Variants in GSK3B observed in about 807,000 individuals in gnomAD.
GSK3B encodes the protein glycogen synthase kinase 3 beta, also known as glycogen synthase kinase-3 beta.
A neutral mutation model predicts 56.4 loss-of-function variants in GSK3B; 15 were observed. That is an observed-to-expected ratio of 0.27 (90% confidence interval 0.18 to 0.41). The LOEUF (loss-of-function observed/expected upper bound fraction) is 0.41, where lower values mean the gene tolerates loss of function less well. Among genes scored for constraint, GSK3B ranks in the 10% least tolerant of loss-of-function variants. The pLI is 1.00. For synonymous variants in GSK3B, 181 were observed against 188.9 expected (o/e 0.96, Z 0.34); for missense variants, 300 against 513.4 (o/e 0.58, Z 4.02).
chr3:119,947,195 G>A (rs1436894042), intron 3 of GSK3B, 73 bp downstream of exon 3: 7 of 892,232 alleles, frequency 7.8e-6, no homozygotes, highest in Admixed American at 1.8e-5. Flanking sequence ...GTCTATGAGC[G>A]GTGGGGAGAT....
rs111872577 is a variant in GSK3B at position 120,011,041 on chromosome 3, C to T, written c.89-8802G>A. On this transcript the variant is annotated intron_variant, in intron 1 of 10. Coordinates refer to ENST00000264235, the MANE Select transcript of GSK3B (RefSeq NM_001146156.2). ...CTGAGATCATGCCACTGTACTCCAG[C>T]CTGGGCAACACAGCAAGACCATTTC... is the stretch of plus-strand genomic sequence containing the variant. Among the ~76,000 whole-genome samples, 1,121 of 152,276 alleles carry T rather than the reference C, an allele frequency of 7.4e-3. 15 individuals are homozygous for T. The highest frequency in any genetic ancestry group is 0.025 in the African/African-American group (1,034 of 41,546).
intron 1 of GSK3B, among the ~76,000 whole-genome samples, chr3:120,090,924 T>C (rs1181658866): frequency 6.6e-6 from 1 of 152,168 alleles, no homozygotes; most frequent in East Asian, 1.9e-4. Context: ...AACTTGATTA[T>C]TGTCTCTCAT....
intron 7 of GSK3B, among the ~76,000 whole-genome samples, chr3:119,878,631 C>T (rs1437433019): frequency 6.6e-6 from 1 of 152,106 alleles, no homozygotes; most frequent in Non-Finnish European, 1.5e-5. Context: ...GAAATGAATG[C>T]ACATGTTCAT....
chr3:120,067,642 C>A lies in GSK3B; in HGVS notation c.88+25705G>T, dbSNP rs76241694. 8.8e-3 allele frequency among the ~76,000 whole-genome samples: 1,332 copies of A among 152,226 alleles called. 10 individuals are homozygous for A. Among genetic ancestry groups the A allele is most frequent in the Non-Finnish European group, 0.014 (924 of 68,010 alleles). ...AATTCGGGATCACCTGTATTCAGTA[C>A]CATGCAATAAAGTAATCTGACTAAA... On this transcript the variant is annotated intron_variant, in intron 1 of 10. Coordinates refer to ENST00000264235, the MANE Select transcript of GSK3B (RefSeq NM_001146156.2).
At position 119,821,875 on chromosome 3, in the gene GSK3B, G is replaced by A. The variant is rs2107985362; in HGVS notation, c.*4913C>T. On this transcript the variant is annotated 3_prime_UTR_variant, in exon 11 of 11. Transcript: ENST00000264235. ...ATTAGAGGAATGGAAATGGTGATGT[G>A]ACTACATATTGCAGCGGCAAAATAG... 5.8e-6 allele frequency: 1 copy of A among 173,282 alleles called. No homozygotes were observed. The highest frequency in any genetic ancestry group is 2.4e-5 in the African/African-American group (1 of 42,274). The allele number at this position is 173,282 out of a possible 1,614,324, so 10.7% of individuals were successfully genotyped here.
intron 1 of GSK3B, chr3:120,029,884 G>A (rs752674245): frequency 5.5e-6 from 3 of 549,016 alleles, no homozygotes; most frequent in Non-Finnish European, 1.1e-5. Context: ...GGATTGGACA[G>A]TACTGGTGTA....
In GSK3B at chr3:119,822,266, T is replaced by TAA. The variant is rs943377511; in HGVS notation, c.*4520_*4521dup. The TAA allele has an allele frequency of 2.7e-4, 46 of 171,614 alleles. No homozygotes were observed. Among genetic ancestry groups the TAA allele is most frequent in the Non-Finnish European group, 4.8e-4 (39 of 81,140 alleles). 10.6% of individuals were successfully genotyped at this position (171,614 alleles called of 1,614,324 possible). On this transcript the variant is annotated 3_prime_UTR_variant, in exon 11 of 11. Transcript: ENST00000264235. Reference sequence around the variant, plus strand: ...CTTTATATATATATATATATATATATAATAAATTTTGTTTTTTAGGTTTGT... The same window carrying TAA: ...CTTTATATATATATATATATATATATAAAATAAATTTTGTTTTTTAGGTTTGT...
intron 3 of GSK3B, 140 bp downstream of exon 3, chr3:119,947,128 G>C: frequency 1.7e-6 from 1 of 603,640 alleles, no homozygotes; most frequent in Non-Finnish European, 3.0e-6. Context: ...ACCATACCTT[G>C]GGCTGAGTAT....
intron 1 of GSK3B, among the ~76,000 whole-genome samples, chr3:120,073,906 T>A (rs1023477224): frequency 7.2e-5 from 11 of 152,100 alleles, no homozygotes; most frequent in African/African-American, 2.2e-4. Flanking sequence ...GTTGGTTTTT[T>A]AAAAAAATAA....
At chr3:119,828,921 A>C (rs1020926003) in intron 10 of GSK3B, among the ~76,000 whole-genome samples, 1 of 152,220 alleles carries the variant, frequency 6.6e-6, no homozygotes, top group Admixed American at 6.5e-5. Flanking sequence ...TGGCATCAGA[A>C]TCCACACATT....
At chr3:120,019,914 C>T (rs987343326) in intron 1 of GSK3B, among the ~76,000 whole-genome samples, 2 of 152,216 alleles carry the variant, frequency 1.3e-5, no homozygotes, top group African/African-American at 4.8e-5. Flanking sequence ...ACTATGGCTT[C>T]ACTAGGCTTT....
chr3:119,823,229 G>C lies in GSK3B; in HGVS notation c.*3559C>G, dbSNP rs1360004068. On this transcript the variant is annotated 3_prime_UTR_variant, in exon 11 of 11. Transcript: ENST00000264235. ...TATTTTTCTTTCAAAAAAGGCCTTC[G>C]TGTTGGGCACACAGTAAGAATTAAA... 2 of 224,834 alleles carry C rather than the reference G, an allele frequency of 8.9e-6. No individual in the cohort carries two copies. Among genetic ancestry groups the C allele is most frequent in the East Asian group, 1.3e-4 (2 of 15,550 alleles). 13.9% of individuals were successfully genotyped at this position (224,834 alleles called of 1,614,324 possible).
rs74788098 is a variant in GSK3B at position 119,954,307 on chromosome 3, A to T, written c.283-6956T>A. Among the ~76,000 whole-genome samples the T allele has an allele frequency of 8.0e-3, 965 of 121,134 alleles. 9 individuals are homozygous for T. Among genetic ancestry groups the T allele is most frequent in the South Asian group, 0.015 (65 of 4,264 alleles). The allele number at this position is 121,134 out of a possible 152,430, so 79.5% of individuals were successfully genotyped here. A position where few individuals can be genotyped will look rare whatever the true frequency, so the allele number is the denominator to read the frequency against. On this transcript the variant is annotated intron_variant, in intron 2 of 10. Transcript: ENST00000264235. ...TAGAATAGAATAGAATAGAATAGAA[A>T]AGAAACAGAACAGAACAGAACAGCA...
chr3:120,088,012 C>T (rs1488543463), intron 1 of GSK3B, among the ~76,000 whole-genome samples: 4 of 152,220 alleles, frequency 2.6e-5, no homozygotes, highest in African/African-American at 9.6e-5. Flanking sequence ...CCTGCCTCAG[C>T]CTCCTGAGTA....
intron 1 of GSK3B, among the ~76,000 whole-genome samples, chr3:120,005,922 A>G (rs144840851): frequency 0.025 from 3,882 of 152,310 alleles, 61 homozygotes; most frequent in Non-Finnish European, 0.039. Flanking sequence ...ATTCACATAT[A>G]ACAATATTAA....
intron 9 of GSK3B, among the ~76,000 whole-genome samples, chr3:119,847,835 T>C (rs760187179): frequency 8.5e-5 from 13 of 152,200 alleles, no homozygotes; most frequent in Non-Finnish European, 1.6e-4. Context: ...GGTGGTGTCA[T>C]AGCAAAGAGA....
intron 1 of GSK3B, among the ~76,000 whole-genome samples, chr3:120,087,529 C>T (rs2058474693): frequency 1.4e-5 from 2 of 147,586 alleles, no homozygotes; most frequent in South Asian, 4.2e-4. Context: ...GAGACTCCAT[C>T]TCAAAAAAAA....
intron 3 of GSK3B, among the ~76,000 whole-genome samples, chr3:119,925,940 G>A (rs1443407780): frequency 1.3e-5 from 2 of 152,080 alleles, no homozygotes; most frequent in Non-Finnish European, 2.9e-5. Flanking sequence ...ACTACCATTT[G>A]GAAAAGTCAA....
intron 3 of GSK3B, among the ~76,000 whole-genome samples, chr3:119,943,435 A>T (rs1207539662): frequency 6.6e-6 from 1 of 152,222 alleles, no homozygotes; most frequent in African/African-American, 2.4e-5. Context: ...AAAAATCTTT[A>T]TGAGATCATA....
Sources: gnomAD v4.1 joint callset for allele counts (sites outside exome capture counted in the v4.1 genomes callset) on GRCh38, gnomAD v4.1.1 for gene constraint, MANE v1.5 for transcripts, NCBI Gene and HGNC (gene_info 2026-07-23, HGNC 2026-07-21) for gene names.